LRFN5: variants seen among roughly 807,000 people sequenced by gnomAD.
The protein encoded by LRFN5 is leucine rich repeat and fibronectin type III domain containing 5, also known as leucine-rich repeat and fibronectin type-III domain-containing protein 5.
LRFN5 carries 24 observed loss-of-function variants against 45.6 expected under a neutral mutation model. The ratio of observed to expected loss-of-function variants is 0.53; its 90% CI spans 0.38 to 0.74. The LOEUF (loss-of-function observed/expected upper bound fraction) is 0.74, where lower values mean the gene tolerates loss of function less well. LRFN5 is among the 30% of genes least tolerant of loss of function. LRFN5 has a pLI of 0.00. For synonymous variants in LRFN5, 340 were observed against 313.8 expected, an observed-to-expected ratio of 1.08 and a Z score of -0.88; for missense variants, 776 against 861.5, an observed-to-expected ratio of 0.90 and a Z score of 1.24.
chr14:41,710,338 T>C (rs1193305843), intron 1 of LRFN5, among the ~76,000 whole-genome samples: 2 of 152,164 alleles, frequency 1.3e-5, no homozygotes, highest in African/African-American at 2.4e-5. Flanking sequence ...TCTTGCATCA[T>C]GGCTTATTAA....
intron 1 of LRFN5, among the ~76,000 whole-genome samples, chr14:41,673,348 AC>A (rs1555353119): frequency 1.6e-5 from 2 of 128,610 alleles, no homozygotes; most frequent in African/African-American, 6.0e-5. Context: ...CGGGGGGCTG[AC>A]CCCCCACCTC....
intron 1 of LRFN5, among the ~76,000 whole-genome samples, chr14:41,741,102 C>T (rs1884671611): frequency 6.6e-6 from 1 of 151,534 alleles, no homozygotes; most frequent in Admixed American, 6.7e-5. Context: ...AACTCATGTT[C>T]ATAGGTTGAA....
chr14:41,868,493 A>T (rs1282568705), intron 2 of LRFN5, among the ~76,000 whole-genome samples: 2 of 152,122 alleles, frequency 1.3e-5, no homozygotes, highest in Non-Finnish European at 2.9e-5. Flanking sequence ...CTTATCTAAA[A>T]AATCCTGAAT....
At chr14:41,740,077 G>A (rs1042208937) in intron 1 of LRFN5, among the ~76,000 whole-genome samples, 1 of 151,950 alleles carries the variant, frequency 6.6e-6, no homozygotes, top group Non-Finnish European at 1.5e-5. Flanking sequence ...TAAAAATAAA[G>A]CCCAGGGCAT....
At chr14:41,673,735 A>C (rs1881388125) in intron 1 of LRFN5, among the ~76,000 whole-genome samples, 1 of 126,888 alleles carries the variant, frequency 7.9e-6, no homozygotes, top group South Asian at 2.7e-4. Context: ...CTCACTTCCC[A>C]GTAGGGGTGG....
intron 2 of LRFN5, among the ~76,000 whole-genome samples, chr14:41,860,008 A>G (rs536438100): frequency 1.3e-5 from 2 of 152,272 alleles, no homozygotes; most frequent in East Asian, 1.9e-4. Context: ...TGTGGCCATC[A>G]TGCATTCCTG....
chr14:41,824,421 C>G (rs79523985), intron 2 of LRFN5, among the ~76,000 whole-genome samples: 1,717 of 152,200 alleles, frequency 0.011, 32 homozygotes, highest in African/African-American at 0.038. Context: ...ATTATGAGTT[C>G]CTTGGTTGTA....
At chr14:41,888,503 G>A (rs1000347007) in intron 3 of LRFN5, among the ~76,000 whole-genome samples, 1 of 152,080 alleles carries the variant, frequency 6.6e-6, no homozygotes, top group African/African-American at 2.4e-5. Flanking sequence ...TTGGAAACAA[G>A]CAAAAGCCAT....
rs188859570 is a variant in LRFN5 at position 41,869,698 on chromosome 14, C to T, written c.-20-16908C>T. Among the ~76,000 whole-genome samples the T allele has an allele frequency of 7.3e-4, 111 of 152,174 alleles. 2 individuals carry two copies. The highest frequency in any genetic ancestry group is 2.4e-3 in the African/African-American group (98 of 41,530). On this transcript the variant is annotated intron_variant, in intron 2 of 5. Transcript: ENST00000298119. The stretch of plus-strand genomic sequence containing the variant: ...TCATGTTGGAAGGCTAAAGGCACAT[C>T]TTACATGGTGGCAGACAAGAGAGAG...
rs1315061124 is a variant in LRFN5, at chr14:41,887,793, C to G, written c.1168C>G (p.Pro390Ala). ...LLNSTNHIHE[P>A]DPGSSDISTS... ...AAATAGTACAAACCATATCCATGAG[C>G]CTGATCCTGGTTCTTCAGATATCTC... Residue 390 changes from proline (P) to alanine (A), a missense_variant, in exon 3 of 6, where the codon CCT becomes GCT. Physicochemically the swap from Pro to Ala is conservative, Grantham distance 27. Coordinates refer to ENST00000298119, the MANE Select transcript of LRFN5 (RefSeq NM_152447.5). This position sits in a 1 kb window ranked among gnomAD's most constrained non-coding sequence, Gnocchi z 4.8. 6.2e-7 allele frequency: 1 copy of G among 1,613,794 alleles called. No individual in the cohort carries two copies. Among genetic ancestry groups the G allele is most frequent in the Non-Finnish European group, 8.5e-7 (1 of 1,179,974 alleles).
At chr14:41,773,945 G>T (rs1238420313) in intron 2 of LRFN5, among the ~76,000 whole-genome samples, 4 of 152,158 alleles carry the variant, frequency 2.6e-5, no homozygotes, top group Non-Finnish European at 5.9e-5. Context: ...AAATGTCTTA[G>T]CTGGCAGTAC....
chr14:41,731,415 T>G (rs1393636356), intron 1 of LRFN5: 1 of 152,194 alleles, frequency 6.6e-6, no homozygotes, highest in African/African-American at 2.4e-5. Flanking sequence ...TCTTCACTGA[T>G]ATTATCTTAT....
intron 2 of LRFN5, among the ~76,000 whole-genome samples, chr14:41,799,471 G>T (rs988898959): frequency 1.3e-5 from 2 of 151,888 alleles, no homozygotes; most frequent in Non-Finnish European, 2.9e-5. Flanking sequence ...CTCATGCTTA[G>T]TATTTCTAGG....
intron 2 of LRFN5, among the ~76,000 whole-genome samples, chr14:41,779,477 T>C (rs1271012065): frequency 6.6e-6 from 1 of 151,944 alleles, no homozygotes; most frequent in Non-Finnish European, 1.5e-5. Flanking sequence ...ATTAGGCTAA[T>C]GCTCTTCACA....
chr14:41,623,403 TA>T (rs1888208743), intron 1 of LRFN5, among the ~76,000 whole-genome samples: 2 of 152,088 alleles, frequency 1.3e-5, no homozygotes, highest in Non-Finnish European at 2.9e-5. Context: ...CTCTTTCCTT[TA>T]TAAATTACCT....
chr14:41,773,858 T>C (rs552645596), intron 2 of LRFN5, among the ~76,000 whole-genome samples: 4 of 152,336 alleles, frequency 2.6e-5, no homozygotes, highest in East Asian at 3.9e-4. Context: ...ATTGTCTCTT[T>C]TAAATAAAAA....
At chr14:41,609,222 T>G (rs1423717308) in intron 1 of LRFN5, among the ~76,000 whole-genome samples, 4 of 152,234 alleles carry the variant, frequency 2.6e-5, no homozygotes, top group Non-Finnish European at 5.9e-5. Flanking sequence ...AAGTCATTTT[T>G]ATATCTAGCA....
chr14:41,850,665 G>T (rs1889235207), intron 2 of LRFN5, among the ~76,000 whole-genome samples: 1 of 151,598 alleles, frequency 6.6e-6, no homozygotes, highest in South Asian at 2.1e-4. Flanking sequence ...TTCTTTACTT[G>T]CTGAATTAAT....
chr14:41,897,269 A>C (rs1231104433), intron 4 of LRFN5, among the ~76,000 whole-genome samples: 3 of 151,948 alleles, frequency 2.0e-5, no homozygotes, highest in African/African-American at 7.2e-5. Context: ...TCACTAAGGT[A>C]CTGTTAATGC....
Sources: gnomAD v4.1 joint callset for allele counts (sites outside exome capture counted in the v4.1 genomes callset) on GRCh38, gnomAD v4.1.1 for gene constraint, Gnocchi (gnomAD v3.1) non-coding constraint, MANE v1.5 for transcripts, NCBI Gene and HGNC (gene_info 2026-07-23, HGNC 2026-07-21) for gene names.